Variants in ADCY10 observed in about 807,000 individuals in gnomAD.
ADCY10 encodes adenylate cyclase type 10.
ADCY10 carries 156 observed loss-of-function variants against 183.3 expected under a neutral mutation model. The ratio of observed to expected loss-of-function variants is 0.85; its 90% CI spans 0.75 to 0.97. The LOEUF (loss-of-function observed/expected upper bound fraction) is 0.97. ADCY10 is among the 50% of genes least tolerant of loss of function. The pLI is 0.00. For synonymous variants in ADCY10, 645 were observed against 670.0 expected, an observed-to-expected ratio of 0.96 and a Z score of 0.58; for missense variants, 1,745 against 1,934.3, an observed-to-expected ratio of 0.90 and a Z score of 1.84.
In ADCY10 at chr1:167,893,918, G is replaced by A. The variant is rs764449552; in HGVS notation, c.763C>T (p.Leu255=). The change falls in exon 8 of 33, where the codon CTG becomes TTG. Residue 255 remains leucine (L), a synonymous_variant. Transcript: ENST00000367851. Reference sequence around the variant, plus strand: ...ATCTCCAGTTCAGGATCAGGCTTCAGCGTGCATGCAAGCCTCAGGAGGTCT... The same window carrying A: ...ATCTCCAGTTCAGGATCAGGCTTCAACGTGCATGCAAGCCTCAGGAGGTCT... The part of the protein sequence containing the change: ...HKNLLRLACT[L]KPDPELEMSL... The A allele has an allele frequency of 3.1e-6, 5 of 1,613,374 alleles. No homozygotes were observed. The highest frequency in any genetic ancestry group is 2.2e-5 in the South Asian group (2 of 91,072).
chr1:167,824,865 C>CAG lies in ADCY10; in HGVS notation c.3751-12_3751-11dup, dbSNP rs1663166387. On this transcript the variant is annotated splice_polypyrimidine_tract_variant and intron_variant, in intron 26 of 32. Coordinates refer to ENST00000367851, the MANE Select transcript of ADCY10 (RefSeq NM_018417.6). Reference sequence around the variant, plus strand: ...GGTAAGCCTTAATGATCTGAAATGGCAGAGTGGAGGAAGAGTGAGGCAGAA... The same window carrying CAG: ...GGTAAGCCTTAATGATCTGAAATGGCAGAGAGTGGAGGAAGAGTGAGGCAGAA... The CAG allele has an allele frequency of 1.2e-6, 2 of 1,613,676 alleles. No individual in the cohort carries two copies. Among genetic ancestry groups the CAG allele is most frequent in the African/African-American group, 1.3e-5 (1 of 75,024 alleles).
At chr1:167,889,372 A>G (rs1481533233) in intron 8 of ADCY10, among the ~76,000 whole-genome samples, 1 of 151,782 alleles carries the variant, frequency 6.6e-6, no homozygotes, top group Non-Finnish European at 1.5e-5. Context: ...AAGACATATC[A>G]CAGTGTTTGA....
At chr1:167,888,409 CA>C (rs918740197) in intron 8 of ADCY10, among the ~76,000 whole-genome samples, 7 of 151,908 alleles carry the variant, frequency 4.6e-5, no homozygotes, top group African/African-American at 1.4e-4. Flanking sequence ...GAATATCTTT[CA>C]TTTTTTTTTT....
At chr1:167,850,697 G>GTGTGTGTGTGTGTGTGTGTA (rs1553267959) in intron 18 of ADCY10, among the ~76,000 whole-genome samples, 78 of 142,350 alleles carry the variant, frequency 5.5e-4, no homozygotes, top group African/African-American at 2.1e-3. Flanking sequence ...GTGTGTGTGT[G>GTGTGTGTGTGTGTGTGTGTA]TGTGTGTGTG....
intron 1 of ADCY10, among the ~76,000 whole-genome samples, chr1:167,913,541 A>G (rs1412289245): frequency 6.6e-6 from 1 of 152,162 alleles, no homozygotes; most frequent in African/African-American, 2.4e-5. Context: ...TTTCCCATAC[A>G]AATATCCTTG....
At chr1:167,866,750 T>TAAAAA (rs368735411) in intron 14 of ADCY10, among the ~76,000 whole-genome samples, 14 of 123,094 alleles carry the variant, frequency 1.1e-4, no homozygotes, top group Admixed American at 9.2e-4. Context: ...AAAGTTCACT[T>TAAAAA]AAAAAAAAAA....
intron 1 of ADCY10, among the ~76,000 whole-genome samples, chr1:167,910,853 A>C (rs1670104545): frequency 1.3e-5 from 2 of 152,178 alleles, no homozygotes; most frequent in South Asian, 4.1e-4. Context: ...CCAAGCTTGT[A>C]AGATTGAAAG....
In ADCY10 at chr1:167,845,996, C is replaced by T. The variant is rs1348774616; in HGVS notation, c.2705G>A (p.Ser902Asn). 6.2e-7 allele frequency: 1 copy of T among 1,614,240 alleles called. No individual in the cohort carries two copies. Among genetic ancestry groups the T allele is most frequent in the South Asian group, 1.1e-5 (1 of 91,072 alleles). The change falls in exon 20 of 33, where the codon AGT becomes AAT. Residue 902 changes from serine to asparagine, a missense_variant. Ser to Asn is a conservative substitution (Grantham distance 46). Coordinates refer to ENST00000367851, the MANE Select transcript of ADCY10 (RefSeq NM_018417.6). ...CAGGTGCTACTCACCCATCCCTTCA[C>T]TGGGCTTCAGAGACAAGGAACGATA... ...VHYRSLSLKPSEGMDHGEEEQ... is the reference protein window; with the variant it reads ...VHYRSLSLKPNEGMDHGEEEQ...
intron 8 of ADCY10, among the ~76,000 whole-genome samples, chr1:167,888,542 T>C (rs1370036413): frequency 6.6e-6 from 1 of 152,202 alleles, no homozygotes; most frequent in African/African-American, 2.4e-5. Context: ...GATTACTTTC[T>C]TGATTTCTTT....
intron 1 of ADCY10, among the ~76,000 whole-genome samples, chr1:167,912,427 G>T (rs1446428013): frequency 6.6e-6 from 1 of 152,140 alleles, no homozygotes; most frequent in East Asian, 1.9e-4. Flanking sequence ...ATACTCCCAC[G>T]TGTGTAGAAC....
intron 13 of ADCY10, among the ~76,000 whole-genome samples, chr1:167,871,866 T>A (rs925187674): frequency 6.6e-6 from 1 of 152,210 alleles, no homozygotes; most frequent in Non-Finnish European, 1.5e-5. Flanking sequence ...TTTCGTGAGA[T>A]GTTTTGTGTT....
rs754951872 is a variant in ADCY10 at position 167,824,569 on chromosome 1, G to A, written c.3959C>T (p.Ser1320Phe). The A allele has an allele frequency of 1.2e-6, 2 of 1,614,172 alleles. No homozygotes were observed. Among genetic ancestry groups the A allele is most frequent in the Non-Finnish European group, 1.7e-6 (2 of 1,180,020 alleles). ...GHLDLAIELGSRALQMWALLQ... is the reference protein window; with the variant it reads ...GHLDLAIELGFRALQMWALLQ... ...CAGTGCCCACATCTGAAGGGCTCGG[G>A]AGCCTGGGAAGAAAACAATTCCAGT... The change falls in exon 28 of 33, where the codon TCC becomes TTC. Residue 1320 changes from serine to phenylalanine, a missense_variant. Transcript: ENST00000367851.
chr1:167,900,614 C>A (rs1334863885), intron 5 of ADCY10, among the ~76,000 whole-genome samples: 1 of 151,910 alleles, frequency 6.6e-6, no homozygotes, highest in Non-Finnish European at 1.5e-5. Context: ...CTCACTGCAA[C>A]CTCCGCCTCC....
At chr1:167,860,011 T>A (rs1009056382) in intron 15 of ADCY10, 118 bp from the exon 16 acceptor site, 4 of 828,062 alleles carry the variant, frequency 4.8e-6, no homozygotes, top group Non-Finnish European at 8.2e-6. Context: ...ATGTGTTAGA[T>A]AAGTGGTCCC....
chr1:167,823,470 C>G (rs2269675), intron 28 of ADCY10, among the ~76,000 whole-genome samples: 89,396 of 146,336 alleles, frequency 0.61, 27,676 homozygotes, highest in African/African-American at 0.69. Flanking sequence ...GACTTTGGGG[C>G]CTCGGAGGGG....
At chr1:167,823,424 C>CAAA (rs34394385) in intron 28 of ADCY10, among the ~76,000 whole-genome samples, 23 of 42,810 alleles carry the variant, frequency 5.4e-4, no homozygotes, top group East Asian at 1.7e-3. Context: ...AACTCCATCT[C>CAAA]AAAAAAAAAA....
chr1:167,875,293 C>G, intron 12 of ADCY10, 107 bp from the exon 13 acceptor site: 1 of 1,133,662 alleles, frequency 8.8e-7, no homozygotes, highest in Non-Finnish European at 1.3e-6. Context: ...CAATTGCTAA[C>G]AAGAGTCTAT....
intron 24 of ADCY10, among the ~76,000 whole-genome samples, chr1:167,833,418 A>G (rs1351312844): frequency 6.6e-6 from 1 of 152,156 alleles, no homozygotes; most frequent in Non-Finnish European, 1.5e-5. Flanking sequence ...ATTCAGGTCC[A>G]TTTTTAGAGA....
rs976238794 is a variant in ADCY10 at position 167,845,868 on chromosome 1, A to G, written c.2717-15T>C. The G allele has an allele frequency of 2.5e-6, 4 of 1,614,024 alleles. No homozygotes were observed. The highest frequency in any genetic ancestry group is 3.3e-5 in the Admixed American group (2 of 60,004). The stretch of plus-strand genomic sequence containing the variant: ...TTCACCGTGATCTGGAGAGAGCAAA[A>G]AGGGTTTTTCAGCCAGGCAGTGGGC... On this transcript the variant is annotated splice_polypyrimidine_tract_variant and intron_variant, in intron 20 of 32. Transcript: ENST00000367851.
Sources: gnomAD v4.1 joint callset for allele counts (sites outside exome capture counted in the v4.1 genomes callset) on GRCh38, gnomAD v4.1.1 for gene constraint, MANE v1.5 for transcripts, NCBI Gene and HGNC (gene_info 2026-07-23, HGNC 2026-07-21) for gene names.